Variants in CNTLN observed in about 807,000 individuals in gnomAD.
CNTLN encodes the protein centlein, also known as centlein, centrosomal protein.
Under a neutral mutation model 180.0 loss-of-function variants are expected in CNTLN, and 212 were observed. That is an observed-to-expected ratio of 1.18 (90% CI 1.05 to 1.32). The LOEUF (loss-of-function observed/expected upper bound fraction) is 1.32, where lower values mean the gene tolerates loss of function less well. Ranked by LOEUF, CNTLN falls within the 40% of genes most tolerant of loss-of-function variation. The pLI is 0.00. For missense variants in CNTLN, 2,095 were observed against 1,610.9 expected (o/e 1.30, Z -5.14); for synonymous variants, 722 against 563.1 (o/e 1.28, Z -3.99).
chr9:17,315,432 A>G (rs531448152), intron 8 of CNTLN, among the ~76,000 whole-genome samples: 16 of 151,966 alleles, frequency 1.1e-4, no homozygotes, highest in Non-Finnish European at 1.8e-4. Flanking sequence ...AGCAGTTTTT[A>G]TATGATTTCA....
chr9:17,251,942 C>A (rs946178067), intron 5 of CNTLN, among the ~76,000 whole-genome samples: 5 of 151,714 alleles, frequency 3.3e-5, no homozygotes, highest in Admixed American at 6.6e-5. Flanking sequence ...TCCCAAGCAC[C>A]ACGAGATAAG....
chr9:17,198,393 T>TC (rs1822274914), intron 2 of CNTLN, among the ~76,000 whole-genome samples: 3 of 150,330 alleles, frequency 2.0e-5, no homozygotes. Flanking sequence ...TTTCTTTTTT[T>TC]TTTTTTTTTT....
chr9:17,339,932 T>A (rs559162573), intron 10 of CNTLN, among the ~76,000 whole-genome samples: 29 of 152,062 alleles, frequency 1.9e-4, no homozygotes, highest in Non-Finnish European at 3.7e-4. Flanking sequence ...GGCAGGAGGA[T>A]CATTTGATAC....
At chr9:17,211,973 C>G (rs1267772559) in intron 2 of CNTLN, among the ~76,000 whole-genome samples, 2 of 152,140 alleles carry the variant, frequency 1.3e-5, no homozygotes, top group African/African-American at 4.8e-5. Flanking sequence ...ATGGGGTTTT[C>G]TAAATATACA....
chr9:17,281,803 C>A (rs945887125), intron 6 of CNTLN, among the ~76,000 whole-genome samples: 1 of 151,864 alleles, frequency 6.6e-6, no homozygotes, highest in Admixed American at 6.6e-5. Flanking sequence ...GTATATATAC[C>A]CAGTAATGGG....
chr9:17,220,000 G>A (rs1422199027), intron 2 of CNTLN, among the ~76,000 whole-genome samples: 1 of 151,922 alleles, frequency 6.6e-6, no homozygotes, highest in Non-Finnish European at 1.5e-5. Context: ...TATGACATTG[G>A]TTATTAGGGC....
intron 8 of CNTLN, among the ~76,000 whole-genome samples, chr9:17,323,871 CA>C (rs199502114): frequency 0.012 from 1,890 of 152,256 alleles, 41 homozygotes; most frequent in African/African-American, 0.043. Context: ...ACCCAGATGC[CA>C]AACTCGGCTA....
At chr9:17,282,875 T>G (rs1828750071) in intron 6 of CNTLN, among the ~76,000 whole-genome samples, 2 of 152,274 alleles carry the variant, frequency 1.3e-5, no homozygotes, top group Non-Finnish European at 2.9e-5. Context: ...TTTTGTCAGG[T>G]TTGTCAAAGA....
intron 13 of CNTLN, among the ~76,000 whole-genome samples, chr9:17,380,113 G>A (rs1825111703): frequency 6.6e-6 from 1 of 152,178 alleles, no homozygotes; most frequent in African/African-American, 2.4e-5. Context: ...AGGGGAGAAA[G>A]TGCCAGCTCC....
At position 17,425,057 on chromosome 9, in the gene CNTLN, T is replaced by C. The variant is rs117798451; in HGVS notation, c.3114+8868T>C. Among the ~76,000 whole-genome samples, 180 of 152,340 alleles carry C rather than the reference T, an allele frequency of 1.2e-3. 3 individuals are homozygous for C. The East Asian group carries it at 0.029, about 24-fold the overall frequency. ...AAAAGCTCTCTCCTGAAATAATATC[T>C]ATATTTAGCGAAAACAGAGTAACCT... On this transcript the variant is annotated intron_variant, in intron 18 of 25. Coordinates refer to ENST00000380647, the MANE Select transcript of CNTLN (RefSeq NM_017738.4).
At chr9:17,481,605 A>G (rs1832652148) in intron 23 of CNTLN, among the ~76,000 whole-genome samples, 1 of 152,202 alleles carries the variant, frequency 6.6e-6, no homozygotes. Context: ...CTGCCTGAGC[A>G]AGGAGTCCAA....
At chr9:17,486,463 C>G (rs891844012) in intron 24 of CNTLN, among the ~76,000 whole-genome samples, 2 of 151,964 alleles carry the variant, frequency 1.3e-5, no homozygotes, top group African/African-American at 4.8e-5. Context: ...TACTTTGTGA[C>G]CTATAGCACT....
the CNTLN span, among the ~76,000 whole-genome samples, chr9:17,512,158 A>G: frequency 2.7e-3 from 417 of 152,330 alleles, 12 homozygotes; most frequent in Admixed American, 0.025. Context: ...AGTCCATTCT[A>G]TAGACCTTTC....
intron 2 of CNTLN, among the ~76,000 whole-genome samples, chr9:17,179,119 C>T (rs1477444419): frequency 1.3e-5 from 2 of 149,234 alleles, no homozygotes; most frequent in East Asian, 3.9e-4. Flanking sequence ...TGGCGGGCGC[C>T]TGTAGTCCCA....
chr9:17,359,164 G>A (rs10810776), intron 12 of CNTLN, among the ~76,000 whole-genome samples: 35,806 of 151,814 alleles, frequency 0.24, 4,431 homozygotes, highest in South Asian at 0.34. Context: ...TACTACAGGC[G>A]CATGCCACCA....
chr9:17,417,735 T>G (rs1453836609), intron 18 of CNTLN, among the ~76,000 whole-genome samples: 2 of 152,050 alleles, frequency 1.3e-5, no homozygotes, highest in Admixed American at 1.3e-4. Flanking sequence ...AAAATAAAAA[T>G]AGTACCCTAG....
chr9:17,335,466 G>A (rs749787203), intron 10 of CNTLN, among the ~76,000 whole-genome samples: 1 of 152,120 alleles, frequency 6.6e-6, no homozygotes, highest in Non-Finnish European at 1.5e-5. Flanking sequence ...GCAGTGAGTC[G>A]AGATCGTACC....
At chr9:17,522,360 C>T in the CNTLN span, among the ~76,000 whole-genome samples, 11 of 152,122 alleles carry the variant, frequency 7.2e-5, no homozygotes, top group Non-Finnish European at 1.2e-4. Context: ...AAAGGAGGCT[C>T]AGCCGCTAAC....
chr9:17,323,279 G>A (rs1183685380), intron 8 of CNTLN, among the ~76,000 whole-genome samples: 1 of 152,116 alleles, frequency 6.6e-6, no homozygotes, highest in Non-Finnish European at 1.5e-5. Context: ...TACATTATTG[G>A]AATACAGCCT....
Sources: allele counts gnomAD v4.1 joint callset (sites outside exome capture counted in the v4.1 genomes callset), GRCh38; gene constraint gnomAD v4.1.1; transcripts MANE v1.5; gene names NCBI Gene and HGNC (gene_info 2026-07-23, HGNC 2026-07-21).